RHOA: variants seen among roughly 807,000 people sequenced by gnomAD.
RHOA encodes the protein ras homolog family member A, also known as transforming protein RhoA.
A neutral mutation model predicts 17.5 loss-of-function variants in RHOA; 3 were observed. The observed-to-expected ratio is 0.17, with a 90% CI of 0.08 to 0.44. RHOA has a LOEUF of 0.44. Ranked by LOEUF, RHOA falls within the 20% of genes least tolerant of loss-of-function variation. The probability of loss-of-function intolerance (pLI) is 0.99; values close to 1 mark genes in which losing one functional copy is unlikely to be tolerated. For missense variants in RHOA, 56 were observed against 242.3 expected, an observed-to-expected ratio of 0.23 and a Z score of 5.10; for synonymous variants, 98 against 88.4, an observed-to-expected ratio of 1.11 and a Z score of -0.61.
intron 3 of RHOA, among the ~76,000 whole-genome samples, chr3:49,365,866 C>T (rs539060693): frequency 7.2e-5 from 11 of 152,102 alleles, no homozygotes; most frequent in Non-Finnish European, 1.2e-4. Flanking sequence ...GCTGGGATTA[C>T]AGGCGTGAGC....
At chr3:49,373,536 G>A (rs2048178348) in intron 2 of RHOA, among the ~76,000 whole-genome samples, 4 of 152,220 alleles carry the variant, frequency 2.6e-5, no homozygotes, top group Admixed American at 2.6e-4. Flanking sequence ...GTATAGGAGA[G>A]CTGGGCACGC....
At chr3:49,405,661 G>A (rs2107909528) in intron 1 of RHOA, among the ~76,000 whole-genome samples, 1 of 152,194 alleles carries the variant, frequency 6.6e-6, no homozygotes, top group African/African-American at 2.4e-5. Flanking sequence ...TCTTAAATAA[G>A]ATACTCTACT....
At position 49,382,367 on chromosome 3, in the gene RHOA, G is replaced by A. The variant is rs568511650; in HGVS notation, c.-2-6776C>T. Among the ~76,000 whole-genome samples the A allele has an allele frequency of 1.6e-4, 24 of 152,188 alleles. 1 individual carries two copies. In the South Asian group the frequency reaches 5.0e-3, roughly 32 times the overall value. ...AAAAAAATAGACACTGGGCGTGGTG[G>A]CTCACACCTGTAATCCCAGCACTTT... On this transcript the variant is annotated intron_variant, in intron 1 of 4. Coordinates refer to ENST00000418115, the MANE Select transcript of RHOA (RefSeq NM_001664.4).
intron 1 of RHOA, among the ~76,000 whole-genome samples, chr3:49,379,146 C>G (rs1158283776): frequency 6.6e-6 from 1 of 151,920 alleles, no homozygotes; most frequent in East Asian, 1.9e-4. Flanking sequence ...ACCCAAATAT[C>G]CAACAACTGA....
chr3:49,364,003 A>G (rs1370343646), intron 3 of RHOA, among the ~76,000 whole-genome samples: 1 of 151,832 alleles, frequency 6.6e-6, no homozygotes, highest in Non-Finnish European at 1.5e-5. Context: ...AGCTATGATC[A>G]CGCTACTACT....
At chr3:49,401,396 T>C (rs2048722142) in intron 1 of RHOA, among the ~76,000 whole-genome samples, 1 of 151,872 alleles carries the variant, frequency 6.6e-6, no homozygotes, top group African/African-American at 2.4e-5. Flanking sequence ...CTTATGCCTA[T>C]AATCCCAGCA....
At chr3:49,400,482 T>G (rs2048704983) in intron 1 of RHOA, among the ~76,000 whole-genome samples, 1 of 152,140 alleles carries the variant, frequency 6.6e-6, no homozygotes, top group Admixed American at 6.6e-5. Context: ...TCTTTATCCC[T>G]GAACTCCTAC....
At chr3:49,406,609 A>C (rs546694089) in intron 1 of RHOA, 1 of 152,248 alleles carries the variant, frequency 6.6e-6, no homozygotes, top group Non-Finnish European at 1.5e-5. Flanking sequence ...GTCTCTACTA[A>C]AATACAAAAT....
intron 3 of RHOA, among the ~76,000 whole-genome samples, chr3:49,364,824 TAGTC>T (rs1485514655): frequency 2.0e-5 from 3 of 151,114 alleles, no homozygotes; most frequent in African/African-American, 4.9e-5. Flanking sequence ...ATACAAAAAT[TAGTC>T]AGGCATGGTG....
At chr3:49,407,604 ACTC>A (rs1454611115) in intron 1 of RHOA, among the ~76,000 whole-genome samples, 1 of 151,298 alleles carries the variant, frequency 6.6e-6, no homozygotes, top group Non-Finnish European at 1.5e-5. Flanking sequence ...AATTAGATCT[ACTC>A]CTACTCACAG....
Position 49,361,086 on chromosome 3 carries a change from C to CAAA in RHOA, c.409-707_409-705dup, listed in dbSNP as rs749506733. The CAAA allele has an allele frequency of 3.1e-5, 4 of 127,074 alleles. 1 individual carries two copies. Among genetic ancestry groups the CAAA allele is most frequent in the South Asian group, 3.9e-4 (2 of 5,130 alleles). The allele number at this position is 127,074 out of a possible 1,614,324, so 7.9% of individuals were successfully genotyped here. On this transcript the variant is annotated intron_variant, in intron 4 of 4. Transcript: ENST00000418115. Reference sequence around the variant, plus strand: ...AGGCTCCTTCTCAAAAAAAACAAAACAAAAAAAAAAAACAACAAACTGCTA... The same window carrying CAAA: ...AGGCTCCTTCTCAAAAAAAACAAAACAAAAAAAAAAAAAAACAACAAACTGCTA...
At chr3:49,389,987 G>C (rs9841338) in intron 1 of RHOA, among the ~76,000 whole-genome samples, 2,674 of 150,516 alleles carry the variant, frequency 0.018, 93 homozygotes, top group African/African-American at 0.061. Context: ...GACTTGATTA[G>C]TAGGCCCAAG....
intron 4 of RHOA, chr3:49,360,917 CA>C: frequency 5.5e-6 from 2 of 365,772 alleles, no homozygotes; most frequent in Admixed American, 3.3e-5. Flanking sequence ...TACTAAAATA[CA>C]AAAAATCACC....
At chr3:49,384,105 G>C (rs1013901408) in intron 1 of RHOA, among the ~76,000 whole-genome samples, 5 of 152,142 alleles carry the variant, frequency 3.3e-5, no homozygotes, top group African/African-American at 1.2e-4. Flanking sequence ...AAATCATTTA[G>C]CCACTAATGG....
At chr3:49,362,683 C>T in intron 3 of RHOA, 57 bp from the exon 4 acceptor site, 1 of 1,428,246 alleles carries the variant, frequency 7.0e-7, no homozygotes, top group East Asian at 2.4e-5. Context: ...TGAAGACTTT[C>T]CAAGAACCTC....
intron 3 of RHOA, among the ~76,000 whole-genome samples, chr3:49,363,855 CAA>C (rs2048011716): frequency 6.6e-6 from 1 of 151,598 alleles, no homozygotes; most frequent in Non-Finnish European, 1.5e-5. Flanking sequence ...GACTCTGTAT[CAA>C]AAAAGTCAAA....
chr3:49,407,042 G>A (rs2048842375), intron 1 of RHOA, among the ~76,000 whole-genome samples: 1 of 150,598 alleles, frequency 6.6e-6, no homozygotes, highest in Non-Finnish European at 1.5e-5. Flanking sequence ...AGCTACTCTA[G>A]AGACTGAGGC....
intron 1 of RHOA, among the ~76,000 whole-genome samples, chr3:49,409,243 A>C (rs1359812728): frequency 6.6e-6 from 1 of 151,624 alleles, no homozygotes; most frequent in African/African-American, 2.4e-5. Flanking sequence ...AAAAATACAA[A>C]AGTTAGCCAG....
At chr3:49,402,971 AG>A (rs2048750277) in intron 1 of RHOA, among the ~76,000 whole-genome samples, 1 of 149,084 alleles carries the variant, frequency 6.7e-6, no homozygotes, top group South Asian at 2.2e-4. Context: ...CGAGAGGCGG[AG>A]GTTGCAGTGA....
Sources: allele counts gnomAD v4.1 joint callset (sites outside exome capture counted in the v4.1 genomes callset), GRCh38; gene constraint gnomAD v4.1.1; transcripts MANE v1.5; gene names NCBI Gene and HGNC (gene_info 2026-07-23, HGNC 2026-07-21).